Variants in EYS observed in about 807,000 individuals in gnomAD.
The protein encoded by EYS is protein eyes shut homolog.
A neutral mutation model predicts 282.1 loss-of-function variants in EYS; 250 were observed. The observed-to-expected ratio is 0.89, with a 90% CI of 0.80 to 0.98. The LOEUF (loss-of-function observed/expected upper bound fraction) is 0.98, where lower values mean the gene tolerates loss of function less well. EYS is among the 50% of genes least tolerant of loss of function. The pLI is 0.00. For missense variants in EYS, 4,016 were observed against 3,709.0 expected (o/e 1.08, Z -2.15); for synonymous variants, 1,355 against 1,282.9 (o/e 1.06, Z -1.20).
At position 63,844,264 on chromosome 6, in the gene EYS, A is replaced by C. The variant is rs1052145480; in HGVS notation, c.7228+19922T>G. 2.0e-5 allele frequency among the ~76,000 whole-genome samples: 3 copies of C among 152,150 alleles called. No homozygotes were observed. In the East Asian group the frequency reaches 5.8e-4, roughly 29 times the overall value. On this transcript the variant is annotated intron_variant, in intron 36 of 42. Coordinates refer to ENST00000503581, the MANE Select transcript of EYS (RefSeq NM_001142800.2). Reference sequence around the variant, plus strand: ...TCTATGCAGTCTATCATTGATGGGCATTTTGGTTGATTCAATGTCTTTGCT... The same window carrying C: ...TCTATGCAGTCTATCATTGATGGGCCTTTTGGTTGATTCAATGTCTTTGCT...
At chr6:63,803,529 G>C (rs1194628677) in intron 37 of EYS, among the ~76,000 whole-genome samples, 1 of 152,138 alleles carries the variant, frequency 6.6e-6, no homozygotes, top group East Asian at 1.9e-4. Context: ...TCCATGCTCA[G>C]ACAAAGGGGA....
At chr6:65,248,812 G>A (rs1227464855) in intron 12 of EYS, among the ~76,000 whole-genome samples, 2 of 151,758 alleles carry the variant, frequency 1.3e-5, no homozygotes, top group East Asian at 1.9e-4. Flanking sequence ...CTAAACATAA[G>A]AAAACATGGA....
chr6:64,259,856 A>T (rs1582499122), intron 30 of EYS, among the ~76,000 whole-genome samples: 1 of 14,828 alleles, frequency 6.7e-5, no homozygotes, highest in South Asian at 2.3e-3. Context: ...TATCAAAAAC[A>T]AAACTTATTT....
chr6:64,033,325 G>A (rs1454931233), intron 33 of EYS, among the ~76,000 whole-genome samples: 1 of 152,090 alleles, frequency 6.6e-6, no homozygotes, highest in Non-Finnish European at 1.5e-5. Context: ...TACTCTAATA[G>A]GCACATAGCT....
chr6:65,158,617 T>G (rs1268920990), intron 12 of EYS, among the ~76,000 whole-genome samples: 1 of 150,880 alleles, frequency 6.6e-6, no homozygotes, highest in Non-Finnish European at 1.5e-5. Flanking sequence ...CTTAGTTTAG[T>G]TCAAATATGC....
intron 22 of EYS, among the ~76,000 whole-genome samples, chr6:64,645,663 A>G (rs1768323325): frequency 2.0e-5 from 3 of 151,882 alleles, no homozygotes; most frequent in African/African-American, 7.3e-5. Flanking sequence ...CCAAAATCGT[A>G]GGTCTTTTTA....
chr6:64,493,596 T>G (rs1301676964), intron 26 of EYS, among the ~76,000 whole-genome samples: 2 of 151,596 alleles, frequency 1.3e-5, no homozygotes, highest in Non-Finnish European at 3.0e-5. Flanking sequence ...CTAAGAATGT[T>G]CTCCTCCCTT....
chr6:65,699,941 T>A (rs34437964), intron 1 of EYS, among the ~76,000 whole-genome samples: 19,797 of 150,658 alleles, frequency 0.13, 1,468 homozygotes, highest in South Asian at 0.29. Context: ...GGTGAAACCC[T>A]GTCTCTACTA....
chr6:64,839,996 A>T (rs996974118), intron 19 of EYS, among the ~76,000 whole-genome samples: 1 of 152,068 alleles, frequency 6.6e-6, no homozygotes, highest in African/African-American at 2.4e-5. Context: ...GCATATGGAC[A>T]TATGCATACA....
At chr6:64,394,287 A>G (rs1216366180) in intron 28 of EYS, among the ~76,000 whole-genome samples, 2 of 152,090 alleles carry the variant, frequency 1.3e-5, no homozygotes, top group African/African-American at 2.4e-5. Context: ...ACTACTTTAA[A>G]ATTCATATGG....
rs780566602 is a variant in EYS, at chr6:64,439,316, A to G, written c.5681T>C (p.Leu1894Pro). 1.3e-5 allele frequency: 20 copies of G among 1,515,932 alleles called. No individual in the cohort carries two copies. The highest frequency in any genetic ancestry group is 1.7e-5 in the Non-Finnish European group (19 of 1,134,278). 93.9% of individuals were successfully genotyped at this position (1,515,932 alleles called of 1,614,324 possible). ...ATTTAAAGCCACATTCTGAAATTCT[A>G]GATAAGAATCTCCATAATAACGAAC... ...SCVRYYGDSY[L>P]EFQNVALNPQ... The change falls in exon 27 of 43, where the codon CTA (leucine) becomes CCA (proline). Residue 1894 changes from leucine (L) to proline (P), a missense_variant. By Grantham distance (98) the Leu-to-Pro change is moderately conservative. Transcript: ENST00000503581.
chr6:65,222,361 T>C (rs953855514), intron 12 of EYS, among the ~76,000 whole-genome samples: 5 of 152,116 alleles, frequency 3.3e-5, no homozygotes, highest in Non-Finnish European at 5.9e-5. Flanking sequence ...GTCCTTGTGA[T>C]AGTGAATAAG....
intron 31 of EYS, among the ~76,000 whole-genome samples, chr6:64,140,811 T>C (rs893581001): frequency 5.3e-5 from 8 of 152,194 alleles, no homozygotes; most frequent in Admixed American, 5.2e-4. Flanking sequence ...CTCTCCTTTA[T>C]GGTTTCTCTA....
chr6:65,516,593 C>A (rs1389896406), intron 2 of EYS, among the ~76,000 whole-genome samples: 1 of 151,988 alleles, frequency 6.6e-6, no homozygotes, highest in East Asian at 1.9e-4. Context: ...GATGTCAGGG[C>A]AAGAGTTACA....
At chr6:64,228,117 T>C (rs1766304730) in intron 31 of EYS, among the ~76,000 whole-genome samples, 1 of 152,178 alleles carries the variant, frequency 6.6e-6, no homozygotes, top group African/African-American at 2.4e-5. Context: ...GTAGTCGACA[T>C]GTGTCAGTAT....
At chr6:63,795,446 G>A (rs1197331429) in intron 37 of EYS, among the ~76,000 whole-genome samples, 1 of 152,184 alleles carries the variant, frequency 6.6e-6, no homozygotes, top group Admixed American at 6.5e-5. Context: ...AGAGTGTCAG[G>A]ACATTCTAAG....
chr6:65,196,149 T>A (rs113459778), intron 12 of EYS, among the ~76,000 whole-genome samples: 1 of 152,034 alleles, frequency 6.6e-6, no homozygotes, highest in Non-Finnish European at 1.5e-5. Context: ...ATAATTTTGT[T>A]CACCCATAAA....
At chr6:63,864,431 C>T (rs928908761) in intron 35 of EYS, 73 bp from the exon 36 acceptor site, 15 of 1,011,944 alleles carry the variant, frequency 1.5e-5, no homozygotes, top group Non-Finnish European at 2.0e-5. Flanking sequence ...CATATATACA[C>T]ATGCATGAAC....
intron 5 of EYS, among the ~76,000 whole-genome samples, chr6:65,417,299 C>A (rs1767276917): frequency 6.6e-6 from 1 of 151,824 alleles, no homozygotes; most frequent in Non-Finnish European, 1.5e-5. Flanking sequence ...CACATTGAGC[C>A]TAATTTACCT....
Sources: gnomAD v4.1 joint callset for allele counts (sites outside exome capture counted in the v4.1 genomes callset) on GRCh38, gnomAD v4.1.1 for gene constraint, MANE v1.5 for transcripts, NCBI Gene and HGNC (gene_info 2026-07-23, HGNC 2026-07-21) for gene names.